SEMA3E: variants seen among roughly 807,000 people sequenced by gnomAD.
SEMA3E encodes semaphorin 3E.
In SEMA3E, 49 loss-of-function variants were observed where a neutral mutation model predicts 93.6. That is an observed-to-expected ratio of 0.52 (90% CI 0.42 to 0.66). The LOEUF (loss-of-function observed/expected upper bound fraction) is 0.66. Among genes scored for constraint, SEMA3E ranks in the 30% least tolerant of loss-of-function variants. The pLI is 0.00. For synonymous variants in SEMA3E, 363 were observed against 330.7 expected, an observed-to-expected ratio of 1.10 and a Z score of -1.06; for missense variants, 906 against 964.8, an observed-to-expected ratio of 0.94 and a Z score of 0.81.
chr7:83,484,091 C>T (rs909634196), intron 2 of SEMA3E, among the ~76,000 whole-genome samples: 14 of 152,168 alleles, frequency 9.2e-5, no homozygotes, highest in Non-Finnish European at 1.6e-4. Context: ...TTTCTCTCCC[C>T]ATTTTCCTTT....
In SEMA3E at chr7:83,490,126, G is replaced by A. The variant is rs142305186; in HGVS notation, c.264C>T (p.Asp88=). The A allele has an allele frequency of 3.0e-4, 480 of 1,612,308 alleles. No homozygotes were observed. The highest frequency in any genetic ancestry group is 3.9e-4 in the Non-Finnish European group (460 of 1,179,208). Residue 88 remains aspartate (D), a synonymous_variant, in exon 2 of 17, where the codon GAC becomes GAT. Transcript: ENST00000643230. ...VYSLSLERIS[D]GYKEIHWPST... is the part of the protein sequence containing the mutation. ...GATATTTCTATACCTCTTTATAGCC[G>A]TCACTGATTCTCTCCAAGCTGAGGG... is the stretch of plus-strand genomic sequence containing the variant.
rs1022193996 is a variant in SEMA3E at position 83,501,421 on chromosome 7, C to T, written c.116-11147G>A. On this transcript the variant is annotated intron_variant, in intron 1 of 16. Transcript: ENST00000643230. ...TACGATCTGTATTTTTAACTGAAGT[C>T]ATGCTAAGAAGTTGAATAGGTCTAT... Among the ~76,000 whole-genome samples, 75 of 152,240 alleles carry T rather than the reference C, an allele frequency of 4.9e-4. 1 individual carries two copies. Among genetic ancestry groups the T allele is most frequent in the African/African-American group, 1.8e-3 (73 of 41,546 alleles).
chr7:83,450,854 C>T (rs1789345289), intron 4 of SEMA3E, among the ~76,000 whole-genome samples: 3 of 152,110 alleles, frequency 2.0e-5, no homozygotes, highest in Admixed American at 2.0e-4. Context: ...CATGTTACCA[C>T]TAAACCGTTC....
In SEMA3E at chr7:83,396,960, T is replaced by G. The variant is rs147587229; in HGVS notation, c.1367-231A>C. On this transcript the variant is annotated intron_variant, in intron 11 of 16. Coordinates refer to ENST00000643230, the MANE Select transcript of SEMA3E (RefSeq NM_012431.3). ...AGCCAGGCATGGTGGTGGGCACCTG[T>G]AATCCCAGCTACTTGGGAGGCTGAG... Among the ~76,000 whole-genome samples the G allele has an allele frequency of 9.2e-3, 1,391 of 151,846 alleles. 22 individuals carry two copies. The highest frequency in any genetic ancestry group is 0.033 in the African/African-American group (1,346 of 41,402).
intron 2 of SEMA3E, 108 bp downstream of exon 2, chr7:83,490,006 C>A: frequency 1.1e-6 from 1 of 949,476 alleles, no homozygotes; most frequent in Non-Finnish European, 1.6e-6. Context: ...AAAAAGTAAT[C>A]ACTCAAAATT....
At chr7:83,498,630 A>G (rs1379011450) in intron 1 of SEMA3E, among the ~76,000 whole-genome samples, 3 of 152,012 alleles carry the variant, frequency 2.0e-5, no homozygotes, top group Non-Finnish European at 4.4e-5. Context: ...GGTATGTGCC[A>G]CTATGCCCTG....
At chr7:83,500,226 A>G (rs1350364555) in intron 1 of SEMA3E, among the ~76,000 whole-genome samples, 1 of 152,186 alleles carries the variant, frequency 6.6e-6, no homozygotes, top group Non-Finnish European at 1.5e-5. Context: ...TCACAAGGTC[A>G]GGAGTTCAAG....
chr7:83,615,188 G>C (rs1186933583), intron 1 of SEMA3E, among the ~76,000 whole-genome samples: 3 of 151,952 alleles, frequency 2.0e-5, no homozygotes, highest in African/African-American at 7.2e-5. Context: ...AGGGTTTCTG[G>C]GGCAACTTTA....
intron 4 of SEMA3E, among the ~76,000 whole-genome samples, chr7:83,436,745 T>A (rs1320723133): frequency 6.6e-6 from 1 of 152,208 alleles, no homozygotes; most frequent in Non-Finnish European, 1.5e-5. Flanking sequence ...TTTCTTTTTG[T>A]TGTTATTCTA....
At chr7:83,567,401 A>C (rs1174099385) in intron 1 of SEMA3E, among the ~76,000 whole-genome samples, 1 of 152,176 alleles carries the variant, frequency 6.6e-6, no homozygotes, top group Non-Finnish European at 1.5e-5. Flanking sequence ...CTTTTAACCA[A>C]ATGAACCAAA....
intron 2 of SEMA3E, among the ~76,000 whole-genome samples, chr7:83,472,353 C>A (rs977384513): frequency 6.6e-6 from 1 of 152,208 alleles, no homozygotes; most frequent in African/African-American, 2.4e-5. Context: ...TTTAAAAATT[C>A]ATATTTATCT....
intron 1 of SEMA3E, among the ~76,000 whole-genome samples, chr7:83,600,538 G>A (rs559954199): frequency 1.6e-5 from 2 of 122,576 alleles, no homozygotes; most frequent in East Asian, 2.4e-4. Context: ...TAGTAGAGAC[G>A]GGGTTTCACC....
intron 1 of SEMA3E, among the ~76,000 whole-genome samples, chr7:83,625,729 C>T (rs1416593403): frequency 6.6e-6 from 1 of 151,872 alleles, no homozygotes; most frequent in African/African-American, 2.4e-5. Flanking sequence ...CTGGCCAGAA[C>T]TTCCAATATT....
At position 83,410,055 on chromosome 7, in the gene SEMA3E, C is replaced by CTACTATAATAGTAGTACTTCTAAAAG. The variant is rs1389094878; in HGVS notation, c.551-1569_551-1568insCTTTTAGAAGTACTACTATTATAGTA. On this transcript the variant is annotated intron_variant, in intron 5 of 16. Coordinates refer to ENST00000643230, the MANE Select transcript of SEMA3E (RefSeq NM_012431.3). Reference sequence around the variant, plus strand: ...ATTAAAAAAATAAGCTTTAGAAGTACTACTATAATAGTCTTTTTCATTTTA... The same window carrying CTACTATAATAGTAGTACTTCTAAAAG: ...ATTAAAAAAATAAGCTTTAGAAGTACTACTATAATAGTAGTACTTCTAAAAGTACTATAATAGTCTTTTTCATTTTA... Among the ~76,000 whole-genome samples the CTACTATAATAGTAGTACTTCTAAAAG allele has an allele frequency of 4.5e-4, 68 of 151,584 alleles. 2 individuals are homozygous for CTACTATAATAGTAGTACTTCTAAAAG. The highest frequency in any genetic ancestry group is 4.5e-3 in the Admixed American group (68 of 15,224).
chr7:83,416,290 G>C (rs1015382604), intron 5 of SEMA3E, among the ~76,000 whole-genome samples: 10 of 152,024 alleles, frequency 6.6e-5, no homozygotes, highest in Non-Finnish European at 1.3e-4. Context: ...CGAAATAAGC[G>C]AAACAGCCAC....
intron 5 of SEMA3E, among the ~76,000 whole-genome samples, chr7:83,413,989 T>G (rs567882594): frequency 6.6e-6 from 1 of 152,246 alleles, no homozygotes; most frequent in African/African-American, 2.4e-5. Context: ...TTCAAATAGC[T>G]CCTCAGAGAC....
At chr7:83,461,478 C>A (rs1308764711) in intron 4 of SEMA3E, among the ~76,000 whole-genome samples, 1 of 152,162 alleles carries the variant, frequency 6.6e-6, no homozygotes, top group African/African-American at 2.4e-5. Context: ...CCCTCCCCAT[C>A]CTGCCCAACA....
intron 1 of SEMA3E, among the ~76,000 whole-genome samples, chr7:83,629,793 C>T (rs576388875): frequency 1.6e-4 from 24 of 152,074 alleles, no homozygotes; most frequent in Non-Finnish European, 2.8e-4. Flanking sequence ...TCCAGGGGAG[C>T]GAACGGATCT....
intron 4 of SEMA3E, among the ~76,000 whole-genome samples, chr7:83,440,541 CTT>C (rs965525491): frequency 1.2e-4 from 18 of 152,096 alleles, no homozygotes; most frequent in African/African-American, 4.3e-4. Context: ...TTTTCAGAAA[CTT>C]ATGCAAATTT....
Sources: gnomAD v4.1 joint callset for allele counts (sites outside exome capture counted in the v4.1 genomes callset) on GRCh38, gnomAD v4.1.1 for gene constraint, MANE v1.5 for transcripts, NCBI Gene and HGNC (gene_info 2026-07-23, HGNC 2026-07-21) for gene names.